The following HDAC7 variants were observed in gnomAD, a reference collection of about 807,000 sequenced individuals.
HDAC7 encodes histone deacetylase 7.
HDAC7 carries 26 observed loss-of-function variants against 115.5 expected under a neutral mutation model. The ratio of observed to expected loss-of-function variants is 0.23; its 90% CI spans 0.16 to 0.31. HDAC7 has a LOEUF of 0.31. Among genes scored for constraint, HDAC7 ranks in the 10% least tolerant of loss-of-function variants. The pLI is 1.00. For missense variants in HDAC7, 1,068 were observed against 1,329.0 expected (o/e 0.80, Z 3.05); for synonymous variants, 564 against 550.9 (o/e 1.02, Z -0.33).
In HDAC7 at chr12:47,797,656, T is replaced by C. The variant is rs1171394226; in HGVS notation, c.462-157A>G. On this transcript the variant is annotated intron_variant, in intron 5 of 25. Transcript: ENST00000080059. The surrounding 1 kb of genome is among the most constrained non-coding windows in gnomAD (Gnocchi z 5.5). ...GGGGACCATCTCCAGGTGGCAGCAG[T>C]GGGCCGCCTGTCCGCTCCAGCAGCT... 6.6e-6 allele frequency among the ~76,000 whole-genome samples: 1 copy of C among 152,062 alleles called. No homozygotes were observed. Among genetic ancestry groups the C allele is most frequent in the East Asian group, 1.9e-4 (1 of 5,184 alleles).
At chr12:47,785,189 A>G (rs777733661) in intron 24 of HDAC7, 198 bp downstream of exon 24, 1 of 579,628 alleles carries the variant, frequency 1.7e-6, no homozygotes, top group African/African-American at 1.9e-5. Context: ...TGCTGGCTCC[A>G]TCGGGGGGGC....
chr12:47,817,473 G>C (rs1944881698), intron 1 of HDAC7: 1 of 152,296 alleles, frequency 6.6e-6, no homozygotes, highest in Admixed American at 6.5e-5. Flanking sequence ...GCCTCCGGGA[G>C]GACAGATGCC....
intron 2 of HDAC7, 102 bp from the exon 3 acceptor site, chr12:47,799,074 G>C: frequency 1.3e-6 from 1 of 751,736 alleles, no homozygotes. Context: ...ACTTGACAAT[G>C]GCAAAACACT....
Position 47,798,253 on chromosome 12 carries a change from G to A in HDAC7, c.350-34C>T, listed in dbSNP as rs1243490865. On this transcript the variant is annotated intron_variant, in intron 4 of 25. Transcript: ENST00000080059. The surrounding 1 kb of genome is among the most constrained non-coding windows in gnomAD (Gnocchi z 4.3). ...GCAGAGTCAGGAGGGGGCTGGAGGT[G>A]GGTGGACAGGCGGCCTCGTGGCACT... 5.9e-6 allele frequency: 9 copies of A among 1,537,316 alleles called. No homozygotes were observed. The East Asian group carries it at 6.7e-5, about 12-fold the overall frequency.
Position 47,783,820 on chromosome 12 carries a change from C to CG in HDAC7, c.*20dup. On this transcript the variant is annotated 3_prime_UTR_variant, in exon 26 of 26. Transcript: ENST00000080059. ...AACCAGGTCCCAAGGGCATGGTGGG[C>CG]GGGCAGATGGTTCCAGAGCCTTAGA... The CG allele has an allele frequency of 6.2e-7, 1 of 1,608,008 alleles. No homozygotes were observed. The highest frequency in any genetic ancestry group is 8.5e-7 in the Non-Finnish European group (1 of 1,177,786).
chr12:47,785,105 C>G (rs1184405983), intron 24 of HDAC7: 1 of 554,438 alleles, frequency 1.8e-6, no homozygotes. Flanking sequence ...TGCTCTTGAC[C>G]TGGCCCTGGT....
Position 47,819,778 on chromosome 12 carries a change from C to A in HDAC7, c.8G>T (p.Ser3Ile). Residue 3 changes from serine (S) to isoleucine (I), a missense_variant, in exon 1 of 26, where the codon AGC (serine) becomes ATC (isoleucine). Ser to Ile is a moderately radical substitution (Grantham distance 142). Transcript: ENST00000080059. MHSPGADGTQVSP... is the reference protein window; with the variant it reads MHIPGADGTQVSP... ...CGCCCAGTACTCACCAGCGCCGGGG[C>A]TGTGCATCCAGGGGCCGGGGCCCTC... 1 of 771,804 alleles carries A rather than the reference C, an allele frequency of 1.3e-6. No individual in the cohort carries two copies. Among genetic ancestry groups the A allele is most frequent in the Non-Finnish European group, 1.6e-6 (1 of 630,556 alleles). 47.8% of individuals were successfully genotyped at this position (771,804 alleles called of 1,614,324 possible). A position where few individuals can be genotyped will look rare whatever the true frequency, so the allele number is the denominator to read the frequency against.
At position 47,797,568 on chromosome 12, in the gene HDAC7, G is replaced by A. The variant is rs1478893183; in HGVS notation, c.462-69C>T. 1.7e-6 allele frequency: 2 copies of A among 1,204,232 alleles called. No individual in the cohort carries two copies. Among genetic ancestry groups the A allele is most frequent in the African/African-American group, 3.0e-5 (2 of 65,768 alleles). 74.6% of individuals were successfully genotyped at this position (1,204,232 alleles called of 1,614,324 possible). The stretch of plus-strand genomic sequence containing the variant: ...TGCACGGGCACTGCCCTGAGCACGG[G>A]CCCTGGGACCTGAGGGGGAGGCTGC... On this transcript the variant is annotated intron_variant, in intron 5 of 25. Coordinates refer to ENST00000080059, the MANE Select transcript of HDAC7 (RefSeq NM_015401.5). The surrounding 1 kb of genome is among the most constrained non-coding windows in gnomAD (Gnocchi z 5.5).
intron 21 of HDAC7, among the ~76,000 whole-genome samples, chr12:47,786,954 G>C (rs1168360620): frequency 2.0e-5 from 3 of 152,260 alleles, no homozygotes; most frequent in East Asian, 3.8e-4. Flanking sequence ...TGGAGCACCA[G>C]AGGGAATGAA....
chr12:47,785,612 G>A (rs1383727381), intron 23 of HDAC7, 140 bp downstream of exon 23: 4 of 1,379,688 alleles, frequency 2.9e-6, no homozygotes, highest in African/African-American at 2.9e-5. Flanking sequence ...ACTTGGAACA[G>A]AGGCTTCCGC....
intron 22 of HDAC7, 32 bp from the exon 23 acceptor site, chr12:47,785,917 C>CG: frequency 6.4e-7 from 1 of 1,556,120 alleles, no homozygotes; most frequent in Non-Finnish European, 8.7e-7. Flanking sequence ...ATGGGAGGGG[C>CG]GGGAGTGGAG....
intron 19 of HDAC7, chr12:47,788,483 G>A (rs1025807026): frequency 1.4e-5 from 3 of 208,834 alleles, no homozygotes; most frequent in Admixed American, 5.3e-5. Context: ...GAAGGGTTCA[G>A]GGTTACACAT....
chr12:47,786,335 T>G (rs994649861), intron 22 of HDAC7, among the ~76,000 whole-genome samples: 3 of 152,230 alleles, frequency 2.0e-5, no homozygotes, highest in Non-Finnish European at 4.4e-5. Context: ...CTACTGGACT[T>G]AAGTCCCCAT....
In HDAC7 at chr12:47,795,479, C is replaced by G; in HGVS notation, c.1088-99G>C. 3 of 1,394,774 alleles carry G rather than the reference C, an allele frequency of 2.2e-6. No homozygotes were observed. The highest frequency in any genetic ancestry group is 3.0e-6 in the Non-Finnish European group (3 of 1,012,420). 86.4% of individuals were successfully genotyped at this position (1,394,774 alleles called of 1,614,324 possible). On this transcript the variant is annotated intron_variant, in intron 10 of 25. Coordinates refer to ENST00000080059, the MANE Select transcript of HDAC7 (RefSeq NM_015401.5). This position sits in a 1 kb window ranked among gnomAD's most constrained non-coding sequence, Gnocchi z 4.3. ...GGGGCCAGGGTGCAGCAGGGCAATG[C>G]GCAGGACAGGGGGACAGAGATGGGG...
chr12:47,784,041 G>A, intron 25 of HDAC7, 38 bp downstream of exon 25: 1 of 1,609,122 alleles, frequency 6.2e-7, no homozygotes. Flanking sequence ...TGAAGCGGTG[G>A]AGAGGCTGTG....
chr12:47,783,461 T>C lies in HDAC7; in HGVS notation c.*380A>G. The C allele has an allele frequency of 3.8e-6, 1 of 262,058 alleles. No individual in the cohort carries two copies. The highest frequency in any genetic ancestry group is 4.6e-5 in the Admixed American group (1 of 21,922). 16.2% of individuals were successfully genotyped at this position (262,058 alleles called of 1,614,324 possible). ...CATTTCTGTGTGGAGCCTGAGGCTG[T>C]GTGCAAAGTCTGGGGTTTGCAGAGC... On this transcript the variant is annotated 3_prime_UTR_variant, in exon 26 of 26. Coordinates refer to ENST00000080059, the MANE Select transcript of HDAC7 (RefSeq NM_015401.5).
At chr12:47,784,327 G>C in intron 24 of HDAC7, 110 bp from the exon 25 acceptor site, 5 of 1,246,758 alleles carry the variant, frequency 4.0e-6, no homozygotes, top group Middle Eastern at 2.0e-4. Context: ...CCGGAGGAGC[G>C]GGCCTGTCCT....
chr12:47,793,315 G>A lies in HDAC7; in HGVS notation c.1678+54C>T. 7.5e-7 allele frequency: 1 copy of A among 1,325,462 alleles called. No homozygotes were observed. The highest frequency in any genetic ancestry group is 1.0e-6 in the Non-Finnish European group (1 of 981,252). The allele number at this position is 1,325,462 out of a possible 1,614,324, so 82.1% of individuals were successfully genotyped here. A position where few individuals can be genotyped will look rare whatever the true frequency, so the allele number is the denominator to read the frequency against. Reference sequence around the variant, plus strand: ...CCAAGTGACACCAAGACACCCACATGGACTCGTGCAGCCGAGCCCCTCCCT... The same window carrying A: ...CCAAGTGACACCAAGACACCCACATAGACTCGTGCAGCCGAGCCCCTCCCT... On this transcript the variant is annotated intron_variant, in intron 13 of 25. Coordinates refer to ENST00000080059, the MANE Select transcript of HDAC7 (RefSeq NM_015401.5). The surrounding 1 kb of genome is among the most constrained non-coding windows in gnomAD (Gnocchi z 4.5).
At chr12:47,788,556 G>T (rs1181813227) in intron 19 of HDAC7, 1 of 156,346 alleles carries the variant, frequency 6.4e-6, no homozygotes, top group Non-Finnish European at 1.4e-5. Flanking sequence ...AACCAAGCTC[G>T]GTTACAGAGG....
Sources: allele counts gnomAD v4.1 joint callset (sites outside exome capture counted in the v4.1 genomes callset), GRCh38; gene constraint gnomAD v4.1.1; non-coding constraint Gnocchi (gnomAD v3.1); transcripts MANE v1.5; gene names NCBI Gene and HGNC (gene_info 2026-07-23, HGNC 2026-07-21).